Variants in PCDHGA3 observed in about 807,000 individuals in gnomAD.
PCDHGA3 encodes protocadherin gamma subfamily A, 3.
Under a neutral mutation model 58.5 loss-of-function variants are expected in PCDHGA3, and 40 were observed. The ratio of observed to expected loss-of-function variants is 0.68; its 90% CI spans 0.53 to 0.89. PCDHGA3 has a LOEUF of 0.89. Among genes scored for constraint, PCDHGA3 ranks in the 40% least tolerant of loss-of-function variants. The pLI, the probability that PCDHGA3 is intolerant of heterozygous loss-of-function variation, is 0.00. For synonymous variants in PCDHGA3, 530 were observed against 525.7 expected (o/e 1.01, Z -0.11); for missense variants, 1,223 against 1,195.9 (o/e 1.02, Z -0.33).
chr5:141,438,635 TACACACACACACACAC>T (rs56854727), intron 1 of PCDHGA3, among the ~76,000 whole-genome samples: 7 of 33,414 alleles, frequency 2.1e-4, no homozygotes, highest in Non-Finnish European at 3.7e-4. Flanking sequence ...TATATATATA[TACACACACACACACAC>T]ATATATGTAT....
At chr5:141,472,980 C>CAAAAAAA (rs60579131) in intron 1 of PCDHGA3, among the ~76,000 whole-genome samples, 1 of 86,102 alleles carries the variant, frequency 1.2e-5, no homozygotes, top group South Asian at 4.3e-4. Flanking sequence ...GAGTGAAACT[C>CAAAAAAA]AAAAAAAAAA....
chr5:141,344,441 G>A lies in PCDHGA3; in HGVS notation c.408G>A (p.Glu136=), dbSNP rs1757418907. 1 of 1,613,506 alleles carries A rather than the reference G, an allele frequency of 6.2e-7. No homozygotes were observed. Among genetic ancestry groups the A allele is most frequent in the Non-Finnish European group, 8.5e-7 (1 of 1,179,742 alleles). Residue 136 remains glutamate (E), a synonymous_variant, in exon 1 of 4, where the codon GAG becomes GAA. Coordinates refer to ENST00000253812, the MANE Select transcript of PCDHGA3 (RefSeq NM_018916.4). ...ATAATGCTCCTAATTTCCCAACAGA[G>A]GAATTGGAAATAAAAATTGGTGAAC... is the stretch of plus-strand genomic sequence containing the variant. The part of the protein sequence containing the change: ...INDNAPNFPT[E]ELEIKIGELT...
chr5:141,460,608 T>A (rs2098993153), intron 1 of PCDHGA3, among the ~76,000 whole-genome samples: 1 of 152,186 alleles, frequency 6.6e-6, no homozygotes, highest in Non-Finnish European at 1.5e-5. Context: ...CTGTGTTAGA[T>A]GGATAGATAG....
At chr5:141,376,271 G>A (rs761909915) in intron 1 of PCDHGA3, 2 of 1,614,104 alleles carry the variant, frequency 1.2e-6, no homozygotes, top group African/African-American at 2.7e-5. Flanking sequence ...GGCTTCGGGA[G>A]GTGGCTTAGC....
At chr5:141,482,530 C>CTAAAAA in intron 1 of PCDHGA3, among the ~76,000 whole-genome samples, 1 of 76,560 alleles carries the variant, frequency 1.3e-5, no homozygotes, top group African/African-American at 4.8e-5. Context: ...GACAGACATG[C>CTAAAAA]AAAAAAAAAA....
chr5:141,419,119 C>T lies in PCDHGA3; in HGVS notation c.2424+72662C>T. 2.5e-6 allele frequency: 4 copies of T among 1,613,896 alleles called. No individual in the cohort carries two copies. The South Asian group carries it at 3.3e-5, about 13-fold the overall frequency. Reference sequence around the variant, plus strand: ...GGGAGCAGACCCCAGAGTACAACGTCACCATCGCAGCCACAGACAGGGGCA... The same window carrying T: ...GGGAGCAGACCCCAGAGTACAACGTTACCATCGCAGCCACAGACAGGGGCA... On this transcript the variant is annotated intron_variant, in intron 1 of 3. Coordinates refer to ENST00000253812, the MANE Select transcript of PCDHGA3 (RefSeq NM_018916.4).
At chr5:141,407,497 G>GTTTTTTTTTTTTTTTTTTTTTTT (rs1554102286) in intron 1 of PCDHGA3, among the ~76,000 whole-genome samples, 2 of 152,088 alleles carry the variant, frequency 1.3e-5, no homozygotes, top group African/African-American at 4.8e-5. Context: ...CTTTATTTCT[G>GTTTTTTTTTTTTTTTTTTTTTTT]TTTTTCTTAG....
intron 2 of PCDHGA3, among the ~76,000 whole-genome samples, chr5:141,504,750 A>C (rs921495017): frequency 6.6e-6 from 1 of 151,894 alleles, no homozygotes; most frequent in Admixed American, 6.5e-5. Context: ...ATTGAATTTT[A>C]GAAATTTCTT....
intron 1 of PCDHGA3, chr5:141,365,998 C>T (rs374639173): frequency 1.0e-4 from 166 of 1,614,116 alleles, no homozygotes; most frequent in Non-Finnish European, 1.2e-4. Context: ...TGGACCAGAA[C>T]GACAATACGC....
At chr5:141,406,332 G>A (rs957923011) in intron 1 of PCDHGA3, among the ~76,000 whole-genome samples, 4 of 152,142 alleles carry the variant, frequency 2.6e-5, no homozygotes, top group East Asian at 1.9e-4. Context: ...TTACTCCTAC[G>A]ATCATTTATT....
intron 1 of PCDHGA3, chr5:141,357,262 GGCC>G: frequency 1.2e-6 from 2 of 1,613,786 alleles, no homozygotes; most frequent in East Asian, 4.5e-5. Flanking sequence ...AGACGACTCG[GGCC>G]TCACACTCTA....
chr5:141,355,459 G>T, intron 1 of PCDHGA3: 2 of 1,614,082 alleles, frequency 1.2e-6, no homozygotes, highest in Non-Finnish European at 1.7e-6. Flanking sequence ...CTTGGTCACC[G>T]CGGGTAGGAT....
chr5:141,423,759 G>GGC, intron 1 of PCDHGA3: 9 of 321,042 alleles, frequency 2.8e-5, no homozygotes, highest in Non-Finnish European at 3.6e-5. Context: ...TTGGGGGGGG[G>GGC]GTGGGGCGGC....
chr5:141,403,953 T>C, intron 1 of PCDHGA3: 1 of 1,613,860 alleles, frequency 6.2e-7, no homozygotes, highest in South Asian at 1.1e-5. Flanking sequence ...ACAAAAGTGC[T>C]CATTTCGGTG....
intron 1 of PCDHGA3, chr5:141,421,335 G>A (rs2096564985): frequency 1.2e-6 from 2 of 1,613,944 alleles, no homozygotes; most frequent in Non-Finnish European, 8.5e-7. Context: ...GATATTCGGT[G>A]CCAGAAGAGA....
At chr5:141,408,556 T>G (rs1215804867) in intron 1 of PCDHGA3, 1 of 1,613,940 alleles carries the variant, frequency 6.2e-7, no homozygotes, top group Non-Finnish European at 8.5e-7. Context: ...ATATTTTTCA[T>G]GTCATTGTGG....
intron 1 of PCDHGA3, among the ~76,000 whole-genome samples, chr5:141,353,307 A>G (rs2149774252): frequency 6.6e-6 from 1 of 152,340 alleles, no homozygotes; most frequent in African/African-American, 2.4e-5. Context: ...TTATAAATGT[A>G]TTTAGAGTTC....
At chr5:141,389,463 G>A (rs1201903320) in intron 1 of PCDHGA3, 7 of 1,613,192 alleles carry the variant, frequency 4.3e-6, no homozygotes, top group South Asian at 1.1e-5. Context: ...GCGCGCCTTC[G>A]AACTCACACT....
intron 1 of PCDHGA3, among the ~76,000 whole-genome samples, chr5:141,368,581 G>A (rs1407306401): frequency 6.6e-6 from 1 of 152,066 alleles, no homozygotes; most frequent in Non-Finnish European, 1.5e-5. Flanking sequence ...TTAGGGTAAG[G>A]TGTTTGGGAA....
Sources: gnomAD v4.1 joint callset for allele counts (sites outside exome capture counted in the v4.1 genomes callset) on GRCh38, gnomAD v4.1.1 for gene constraint, MANE v1.5 for transcripts, NCBI Gene and HGNC (gene_info 2026-07-23, HGNC 2026-07-21) for gene names.